USP20: variants seen among roughly 807,000 people sequenced by gnomAD.
USP20 encodes the protein ubiquitin specific peptidase 20.
In USP20, 80 loss-of-function variants were observed where a neutral mutation model predicts 124.2. The ratio of observed to expected loss-of-function variants is 0.64; its 90% CI spans 0.54 to 0.78. USP20 has a LOEUF of 0.78. Among genes scored for constraint, USP20 ranks in the 30% least tolerant of loss-of-function variants. USP20 has a pLI of 0.00. For synonymous variants in USP20, 481 were observed against 512.3 expected (o/e 0.94, Z 0.83); for missense variants, 1,043 against 1,244.4 (o/e 0.84, Z 2.44).
At chr9:129,866,548 C>G (rs1229946877) in intron 10 of USP20, among the ~76,000 whole-genome samples, 1 of 152,176 alleles carries the variant, frequency 6.6e-6, no homozygotes, top group Non-Finnish European at 1.5e-5. Flanking sequence ...ACAGCACCAC[C>G]CTGACTGTGT....
At chr9:129,837,454 G>A (rs1245737155) in intron 1 of USP20, among the ~76,000 whole-genome samples, 1 of 152,164 alleles carries the variant, frequency 6.6e-6, no homozygotes, top group Non-Finnish European at 1.5e-5. Context: ...ATCCAGCAAC[G>A]TGATACAGTT....
At chr9:129,855,593 G>T (rs1262946218) in intron 3 of USP20, among the ~76,000 whole-genome samples, 2 of 152,170 alleles carry the variant, frequency 1.3e-5, no homozygotes, top group Non-Finnish European at 2.9e-5. Context: ...CCAATGGTAG[G>T]AGGAGAAAGA....
intron 14 of USP20, chr9:129,870,062 G>A: frequency 1.6e-6 from 1 of 618,636 alleles, no homozygotes; most frequent in East Asian, 2.8e-5. Context: ...GAGCTGGAGG[G>A]CGATGGACAG....
intron 18 of USP20, 23 bp from the exon 19 acceptor site, chr9:129,874,805 GA>G: frequency 6.2e-7 from 1 of 1,613,982 alleles, no homozygotes; most frequent in Non-Finnish European, 8.5e-7. Flanking sequence ...GGATCCCTGT[GA>G]CCCGTCTGCT....
At chr9:129,855,517 A>G (rs781452735) in intron 3 of USP20, among the ~76,000 whole-genome samples, 1 of 152,122 alleles carries the variant, frequency 6.6e-6, no homozygotes, top group Non-Finnish European at 1.5e-5. Context: ...GCCATTCTCA[A>G]CATGTGGCTT....
At chr9:129,861,502 A>G in intron 7 of USP20, 41 bp from the exon 8 acceptor site, 1 of 1,595,446 alleles carries the variant, frequency 6.3e-7, no homozygotes. Flanking sequence ...TCGGTGGGGC[A>G]GGGTGCTCAC....
chr9:129,870,956 G>A (rs946043580), intron 15 of USP20, among the ~76,000 whole-genome samples: 1 of 151,890 alleles, frequency 6.6e-6, no homozygotes, highest in African/African-American at 2.4e-5. Context: ...AAACCTTTGG[G>A]AAAACTCTCT....
At chr9:129,863,450 G>T in intron 9 of USP20, 151 bp downstream of exon 9, 1 of 577,520 alleles carries the variant, frequency 1.7e-6, no homozygotes, top group South Asian at 2.7e-5. Flanking sequence ...CTGCGGGGTG[G>T]AAATTGCATC....
chr9:129,845,762 G>A (rs1243736037), intron 1 of USP20, among the ~76,000 whole-genome samples: 2 of 152,060 alleles, frequency 1.3e-5, no homozygotes, highest in Admixed American at 6.6e-5. Flanking sequence ...GAAAAAAAAG[G>A]CAACACAAGT....
chr9:129,861,240 C>T (rs1020499847), intron 7 of USP20, among the ~76,000 whole-genome samples: 2 of 152,182 alleles, frequency 1.3e-5, no homozygotes, highest in Non-Finnish European at 2.9e-5. Context: ...TATCTTGTCC[C>T]CTCTCCCAGC....
At chr9:129,873,074 C>CT (rs2034200821) in intron 15 of USP20, among the ~76,000 whole-genome samples, 4 of 57,594 alleles carry the variant, frequency 6.9e-5, no homozygotes, top group Non-Finnish European at 1.6e-4. Context: ...TTTTCTTTTT[C>CT]TTCTTCTTTT....
At chr9:129,867,307 T>G (rs1410031865) in intron 10 of USP20, among the ~76,000 whole-genome samples, 2 of 152,212 alleles carry the variant, frequency 1.3e-5, no homozygotes, top group African/African-American at 4.8e-5. Flanking sequence ...CTGCCTTGGC[T>G]TCCTGCTGTG....
chr9:129,870,254 G>T (rs970044477), intron 14 of USP20, 199 bp from the exon 15 acceptor site: 1 of 601,342 alleles, frequency 1.7e-6, no homozygotes, highest in South Asian at 2.0e-5. Flanking sequence ...CCAGGCTTGC[G>T]GAGAGATGAT....
chr9:129,880,213 G>C lies in USP20; in HGVS notation c.2685G>C (p.Pro895=). Residue 895 remains proline (P), a synonymous_variant, in exon 25 of 26, where the codon CCG becomes CCC. Coordinates refer to ENST00000372429, the MANE Select transcript of USP20 (RefSeq NM_001110303.4). ...EIAIRQSVAQ[P]LGPENLHGEQ... Reference sequence around the variant, plus strand: ...CCATCCGCCAGAGTGTGGCGCAGCCGCTGGGCCCAGAGAACCTGCACGGGG... The same window carrying C: ...CCATCCGCCAGAGTGTGGCGCAGCCCCTGGGCCCAGAGAACCTGCACGGGG... The C allele has an allele frequency of 6.2e-7, 1 of 1,613,412 alleles. No individual in the cohort carries two copies. The highest frequency in any genetic ancestry group is 8.5e-7 in the Non-Finnish European group (1 of 1,179,900).
intron 3 of USP20, among the ~76,000 whole-genome samples, chr9:129,852,930 C>T (rs961584039): frequency 6.6e-6 from 1 of 152,150 alleles, no homozygotes; most frequent in Non-Finnish European, 1.5e-5. Flanking sequence ...TGCTGCTTTC[C>T]AAGTTCAGGA....
chr9:129,868,689 T>C (rs2033954580), intron 11 of USP20, among the ~76,000 whole-genome samples, 173 bp from the exon 12 acceptor site: 1 of 152,238 alleles, frequency 6.6e-6, no homozygotes, highest in South Asian at 2.1e-4. Context: ...GGACATGGAT[T>C]GGACAGGTCT....
rs2033225342 is a variant in USP20, at chr9:129,856,479, G to T, written c.135+119G>T. Reference sequence around the variant, plus strand: ...GGAACTTCCATCCCTAGTGGGCACTGCCAGAAACCTTGGGCTGGGGCACAG... The same window carrying T: ...GGAACTTCCATCCCTAGTGGGCACTTCCAGAAACCTTGGGCTGGGGCACAG... On this transcript the variant is annotated intron_variant, in intron 4 of 25. Coordinates refer to ENST00000372429, the MANE Select transcript of USP20 (RefSeq NM_001110303.4). The T allele has an allele frequency of 6.6e-6, 8 of 1,218,338 alleles. No individual in the cohort carries two copies. The South Asian group carries it at 7.4e-5, about 11-fold the overall frequency. 75.5% of individuals were successfully genotyped at this position (1,218,338 alleles called of 1,614,324 possible). A position where few individuals can be genotyped will look rare whatever the true frequency, so the allele number is the denominator to read the frequency against.
rs932912565 is a variant in USP20 at position 129,869,133 on chromosome 9, C to T, written c.1276+131C>T. 5 of 1,418,050 alleles carry T rather than the reference C, an allele frequency of 3.5e-6. No homozygotes were observed. In the Admixed American group the frequency reaches 7.1e-5, roughly 20 times the overall value. The allele number at this position is 1,418,050 out of a possible 1,614,324, so 87.8% of individuals were successfully genotyped here. On this transcript the variant is annotated intron_variant, in intron 12 of 25. Coordinates refer to ENST00000372429, the MANE Select transcript of USP20 (RefSeq NM_001110303.4). ...TCCTCTCAGGTACACCCCTGAGACACCAGTGTGGGAGCCACGTTTTGCAGA... is the reference window on the plus strand; with the variant it reads ...TCCTCTCAGGTACACCCCTGAGACATCAGTGTGGGAGCCACGTTTTGCAGA...
chr9:129,873,433 C>T lies in USP20; in HGVS notation c.1661-49C>T, dbSNP rs184962034. On this transcript the variant is annotated intron_variant, in intron 15 of 25. Transcript: ENST00000372429. Reference sequence around the variant, plus strand: ...CATTATAGTCACTTTTTTTTGCTCCCTCATTTTGCATCCTTGCTAACCTCT... The same window carrying T: ...CATTATAGTCACTTTTTTTTGCTCCTTCATTTTGCATCCTTGCTAACCTCT... The T allele has an allele frequency of 7.3e-3, 11,688 of 1,605,200 alleles. 74 individuals carry two copies. The highest frequency in any genetic ancestry group is 0.024 in the Middle Eastern group (143 of 6,006).
Sources: allele counts gnomAD v4.1 joint callset (sites outside exome capture counted in the v4.1 genomes callset), GRCh38; gene constraint gnomAD v4.1.1; transcripts MANE v1.5; gene names NCBI Gene and HGNC (gene_info 2026-07-23, HGNC 2026-07-21).